PIK3C2G: variants seen among roughly 807,000 people sequenced by gnomAD.
PIK3C2G encodes phosphatidylinositol 3-kinase C2 domain-containing subunit gamma.
In PIK3C2G, 168 loss-of-function variants were observed where a neutral mutation model predicts 181.1. The ratio of observed to expected loss-of-function variants is 0.93; its 90% CI spans 0.82 to 1.05. The LOEUF (loss-of-function observed/expected upper bound fraction) is 1.05. PIK3C2G is among the 50% of genes least tolerant of loss of function. The probability of loss-of-function intolerance (pLI) is 0.00; values close to 1 mark genes in which losing one functional copy is unlikely to be tolerated. For missense variants in PIK3C2G, 1,869 were observed against 1,732.8 expected (o/e 1.08, Z -1.40); for synonymous variants, 573 against 592.2 (o/e 0.97, Z 0.47).
At chr12:18,413,010 T>C (rs1482105813) in intron 16 of PIK3C2G, among the ~76,000 whole-genome samples, 1 of 152,212 alleles carries the variant, frequency 6.6e-6, no homozygotes, top group Non-Finnish European at 1.5e-5. Flanking sequence ...ATCATGAAGT[T>C]GCTTTAATTA....
chr12:18,274,284 C>T (rs1948878736), intron 1 of PIK3C2G, among the ~76,000 whole-genome samples: 1 of 152,082 alleles, frequency 6.6e-6, no homozygotes, highest in African/African-American at 2.4e-5. Context: ...ACCATTTGAC[C>T]CAGCCATCCC....
At chr12:18,525,467 G>T (rs941274760) in intron 24 of PIK3C2G, among the ~76,000 whole-genome samples, 2 of 152,120 alleles carry the variant, frequency 1.3e-5, no homozygotes, top group African/African-American at 4.8e-5. Context: ...TTTGAGGCTT[G>T]TTGACTGACA....
the PIK3C2G span, among the ~76,000 whole-genome samples, chr12:18,684,837 A>AC: frequency 1.3e-5 from 2 of 151,944 alleles, no homozygotes; most frequent in Non-Finnish European, 2.9e-5. Flanking sequence ...GTAGAAAGTG[A>AC]CTGGATTATA....
intron 16 of PIK3C2G, among the ~76,000 whole-genome samples, chr12:18,419,500 C>T (rs865880548): frequency 1.3e-5 from 2 of 152,144 alleles, no homozygotes; most frequent in Non-Finnish European, 2.9e-5. Flanking sequence ...AATCTAAAGT[C>T]TTAATGTACT....
At chr12:18,298,705 C>A (rs1265486891) in intron 5 of PIK3C2G, among the ~76,000 whole-genome samples, 4 of 151,600 alleles carry the variant, frequency 2.6e-5, no homozygotes, top group African/African-American at 7.3e-5. Flanking sequence ...CTTTAATGTA[C>A]TTTGAGTTGA....
chr12:18,641,938 C>T (rs934936773), intron 32 of PIK3C2G, among the ~76,000 whole-genome samples: 27 of 151,988 alleles, frequency 1.8e-4, no homozygotes, highest in African/African-American at 6.0e-4. Context: ...TTAGCAGAGA[C>T]GGGGTTTTGC....
chr12:18,464,765 T>C (rs183364065), intron 18 of PIK3C2G, among the ~76,000 whole-genome samples: 1 of 152,212 alleles, frequency 6.6e-6, no homozygotes, highest in East Asian at 1.9e-4. Context: ...ATGTTTTTGT[T>C]TGTAAATTCT....
chr12:18,410,292 G>T (rs1022461220), intron 16 of PIK3C2G, among the ~76,000 whole-genome samples: 1 of 152,078 alleles, frequency 6.6e-6, no homozygotes, highest in Non-Finnish European at 1.5e-5. Flanking sequence ...ATCATCTGAG[G>T]TCAGGAGTTT....
chr12:18,712,671 T>C, the PIK3C2G span, among the ~76,000 whole-genome samples: 3 of 152,190 alleles, frequency 2.0e-5, no homozygotes, highest in Admixed American at 6.5e-5. Context: ...CTAACTTTGA[T>C]AAATCTACCT....
chr12:18,374,243 G>C (rs573703601), intron 13 of PIK3C2G, among the ~76,000 whole-genome samples: 6 of 152,040 alleles, frequency 3.9e-5, no homozygotes, highest in South Asian at 4.1e-4. Context: ...TTAAAACCTT[G>C]AAAAATCAGG....
chr12:18,492,924 A>G (rs1366342527), intron 20 of PIK3C2G: 2 of 152,310 alleles, frequency 1.3e-5, no homozygotes, highest in Non-Finnish European at 2.9e-5. Context: ...AGCTGTCCCA[A>G]GTAGAACCAC....
At chr12:18,328,630 T>C (rs988592875) in intron 8 of PIK3C2G, among the ~76,000 whole-genome samples, 20 of 152,112 alleles carry the variant, frequency 1.3e-4, no homozygotes, top group African/African-American at 4.3e-4. Context: ...TCGACCTTCC[T>C]CAGATTTATA....
At chr12:18,553,153 C>A (rs1237090168) in intron 26 of PIK3C2G, among the ~76,000 whole-genome samples, 2 of 152,086 alleles carry the variant, frequency 1.3e-5, no homozygotes, top group Non-Finnish European at 2.9e-5. Flanking sequence ...AGCAATTAGG[C>A]TACAATCGTT....
At chr12:18,321,305 G>A (rs546250114) in intron 7 of PIK3C2G, among the ~76,000 whole-genome samples, 10 of 152,038 alleles carry the variant, frequency 6.6e-5, no homozygotes, top group African/African-American at 1.7e-4. Context: ...TTGTTTTCCC[G>A]ATTCATTTTG....
intron 16 of PIK3C2G, among the ~76,000 whole-genome samples, chr12:18,407,575 C>G (rs970083199): frequency 6.6e-6 from 1 of 152,094 alleles, no homozygotes; most frequent in Admixed American, 6.6e-5. Context: ...TTGCAATCTT[C>G]TGGAGGTAGA....
intron 11 of PIK3C2G, among the ~76,000 whole-genome samples, chr12:18,348,228 T>A (rs1431218259): frequency 6.6e-6 from 1 of 151,920 alleles, no homozygotes; most frequent in African/African-American, 2.4e-5. Flanking sequence ...TATATACATA[T>A]GTGTGTAAAT....
At chr12:18,338,652 T>A in intron 9 of PIK3C2G, 104 bp downstream of exon 9, 1 of 768,228 alleles carries the variant, frequency 1.3e-6, no homozygotes, top group South Asian at 1.6e-5. Flanking sequence ...CGTGTGTATG[T>A]TTGTGTGTAT....
the PIK3C2G span, among the ~76,000 whole-genome samples, chr12:18,653,789 G>C: frequency 6.6e-6 from 1 of 152,044 alleles, no homozygotes; most frequent in African/African-American, 2.4e-5. Flanking sequence ...GAGGGAAGTG[G>C]ATTTTATTAA....
chr12:18,519,671 A>G (rs1240554742), intron 24 of PIK3C2G, among the ~76,000 whole-genome samples: 1 of 151,948 alleles, frequency 6.6e-6, no homozygotes, highest in African/African-American at 2.4e-5. Context: ...TCTTTATCCA[A>G]TTTGTCAGTG....
Sources: gnomAD v4.1 joint callset for allele counts (sites outside exome capture counted in the v4.1 genomes callset) on GRCh38, gnomAD v4.1.1 for gene constraint, MANE v1.5 for transcripts, NCBI Gene and HGNC (gene_info 2026-07-23, HGNC 2026-07-21) for gene names.